CASQ2: variants seen among roughly 807,000 people sequenced by gnomAD.
The protein encoded by CASQ2 is calsequestrin 2.
In CASQ2, 49 loss-of-function variants were observed where a neutral mutation model predicts 46.5. The observed-to-expected ratio is 1.05, with a 90% confidence interval of 0.84 to 1.34. The LOEUF (loss-of-function observed/expected upper bound fraction) is 1.34. CASQ2 is among the 40% of genes most tolerant of loss of function. CASQ2 has a pLI of 0.00. For synonymous variants in CASQ2, 174 were observed against 168.5 expected, an observed-to-expected ratio of 1.03 and a Z score of -0.25; for missense variants, 486 against 481.3, an observed-to-expected ratio of 1.01 and a Z score of -0.09.
chr1:115,705,322 C>A (rs774230207), intron 8 of CASQ2, 30 bp from the exon 9 acceptor site: 2 of 1,389,668 alleles, frequency 1.4e-6, no homozygotes, highest in South Asian at 1.2e-5. Context: ...AGTTGAGTAA[C>A]CCCTGCACAT....
At chr1:115,719,364 G>A (rs562964864) in intron 7 of CASQ2, among the ~76,000 whole-genome samples, 1 of 152,326 alleles carries the variant, frequency 6.6e-6, no homozygotes, top group African/African-American at 2.4e-5. Flanking sequence ...TTCTCATTAG[G>A]CTAGCCTGTG....
intron 1 of CASQ2, among the ~76,000 whole-genome samples, chr1:115,766,406 G>T (rs990930539): frequency 1.3e-5 from 2 of 152,108 alleles, no homozygotes; most frequent in Admixed American, 6.6e-5. Context: ...TTATTGTAAG[G>T]ATTAAACAAG....
intron 1 of CASQ2, among the ~76,000 whole-genome samples, chr1:115,755,035 G>T (rs1570852250): frequency 6.6e-6 from 1 of 152,228 alleles, no homozygotes; most frequent in South Asian, 2.1e-4. Context: ...TGCTGCTGAG[G>T]CTGCCAGTCT....
chr1:115,749,598 C>T (rs1295126707), intron 1 of CASQ2, among the ~76,000 whole-genome samples: 1 of 152,196 alleles, frequency 6.6e-6, no homozygotes, highest in Non-Finnish European at 1.5e-5. Context: ...GCTGATAAGA[C>T]CCAAAACTTG....
rs763587630 is a variant in CASQ2, at chr1:115,727,117, T to C, written c.612A>G (p.Ala204=). 6.2e-7 allele frequency: 1 copy of C among 1,611,998 alleles called. No individual in the cohort carries two copies. Among genetic ancestry groups the C allele is most frequent in the Non-Finnish European group, 8.5e-7 (1 of 1,178,152 alleles). ...KFFATFDKGV[A]KKLSLKMNEV... ...CATTCATCTTCAAAGATAATTTCTT[T>C]GCAACCTGTAACCATTAGAAATAAG... The change falls in exon 6 of 11, where the codon GCA becomes GCG. Residue 204 remains alanine, a synonymous_variant. Transcript: ENST00000261448.
chr1:115,744,471 AT>A (rs532984998), intron 2 of CASQ2, among the ~76,000 whole-genome samples: 13 of 152,232 alleles, frequency 8.5e-5, no homozygotes, highest in Non-Finnish European at 1.8e-4. Flanking sequence ...AAAGAAGAGA[AT>A]TTTTAACTCT....
intron 2 of CASQ2, among the ~76,000 whole-genome samples, chr1:115,744,045 G>A (rs1184914090): frequency 6.6e-6 from 1 of 151,598 alleles, no homozygotes; most frequent in Non-Finnish European, 1.5e-5. Context: ...TCAAGAGGCT[G>A]AGGCACAAGA....
intron 2 of CASQ2, 67 bp from the exon 3 acceptor site, chr1:115,740,895 A>C (rs1279790205): frequency 2.7e-6 from 3 of 1,118,336 alleles, no homozygotes; most frequent in South Asian, 1.3e-5. Context: ...GTATTGGCTG[A>C]GGTCTGGCTG....
chr1:115,768,253 A>G (rs1649197276), intron 1 of CASQ2, 55 bp downstream of exon 1: 1 of 1,155,662 alleles, frequency 8.7e-7, no homozygotes, highest in Non-Finnish European at 1.3e-6. Flanking sequence ...GGCCAAAGGC[A>G]TTCCCTCGGC....
chr1:115,727,931 TG>T (rs1180996354), intron 5 of CASQ2, among the ~76,000 whole-genome samples: 1 of 152,250 alleles, frequency 6.6e-6, no homozygotes, highest in Non-Finnish European at 1.5e-5. Context: ...GCAGAATGGT[TG>T]CTGTTTGCCT....
At position 115,701,112 on chromosome 1, in the gene CASQ2, G is replaced by T. The variant is rs1654189103; in HGVS notation, c.*129C>A. On this transcript the variant is annotated 3_prime_UTR_variant, in exon 11 of 11. Transcript: ENST00000261448. ...GCTGCTCCTGACGCAAAGGGAGTGG[G>T]AAAAGAGATGATGGAAAAGGGAAAG... 1 of 1,418,326 alleles carries T rather than the reference G, an allele frequency of 7.1e-7. No homozygotes were observed. The allele number at this position is 1,418,326 out of a possible 1,614,324, so 87.9% of individuals were successfully genotyped here. A position where few individuals can be genotyped will look rare whatever the true frequency, so the allele number is the denominator to read the frequency against.
chr1:115,720,225 T>C (rs9428080), intron 7 of CASQ2, among the ~76,000 whole-genome samples: 3,948 of 152,210 alleles, frequency 0.026, 179 homozygotes, highest in African/African-American at 0.091. Flanking sequence ...CTCACTGTTA[T>C]GGAGGCTGGG....
intron 7 of CASQ2, among the ~76,000 whole-genome samples, chr1:115,719,137 C>T (rs573154797): frequency 6.6e-6 from 1 of 152,168 alleles, no homozygotes. Flanking sequence ...AAAGCCTCCA[C>T]AAATTCTAAG....
chr1:115,711,593 A>AT lies in CASQ2; in HGVS notation c.838+6246dup, dbSNP rs58007618. Among the ~76,000 whole-genome samples, 297 of 147,610 alleles carry AT rather than the reference A, an allele frequency of 2.0e-3. 2 individuals are homozygous for AT. Among genetic ancestry groups the AT allele is most frequent in the African/African-American group, 5.8e-3 (233 of 40,178 alleles). ...CCATCAAACTCTTACTCATTTTAAG[A>AT]TTTTTTTTTTTTTCACTACTTTGAT... On this transcript the variant is annotated intron_variant, in intron 8 of 10. Transcript: ENST00000261448.
intron 7 of CASQ2, 40 bp from the exon 8 acceptor site, chr1:115,717,934 A>C: frequency 7.4e-7 from 1 of 1,352,984 alleles, no homozygotes; most frequent in Non-Finnish European, 1.1e-6. Context: ...TTCCAGCTGG[A>C]GGGATGCAAA....
chr1:115,719,358 C>T (rs550520877), intron 7 of CASQ2, among the ~76,000 whole-genome samples: 5 of 152,324 alleles, frequency 3.3e-5, no homozygotes, highest in African/African-American at 1.2e-4. Context: ...GATCAGTTCT[C>T]ATTAGGCTAG....
At chr1:115,705,087 T>A (rs1654317909) in intron 9 of CASQ2, 105 bp downstream of exon 9, 6 of 814,400 alleles carry the variant, frequency 7.4e-6, no homozygotes, top group Non-Finnish European at 1.3e-5. Context: ...GGACCGCCAC[T>A]GGGTTTCTTC....
At chr1:115,761,440 A>AG (rs1204424579) in intron 1 of CASQ2, among the ~76,000 whole-genome samples, 3 of 2,696 alleles carry the variant, frequency 1.1e-3, no homozygotes, top group African/African-American at 6.9e-3. Context: ...AAGAAGAAGA[A>AG]AGAAGAAGAA....
At chr1:115,760,011 T>G (rs549686800) in intron 1 of CASQ2, among the ~76,000 whole-genome samples, 1 of 152,346 alleles carries the variant, frequency 6.6e-6, no homozygotes, top group East Asian at 1.9e-4. Context: ...GATCATTTCC[T>G]TCTAAGGAGG....
Sources: gnomAD v4.1 joint callset for allele counts (sites outside exome capture counted in the v4.1 genomes callset) on GRCh38, gnomAD v4.1.1 for gene constraint, MANE v1.5 for transcripts, NCBI Gene and HGNC (gene_info 2026-07-23, HGNC 2026-07-21) for gene names.